Variants in ANKRD44 observed in about 807,000 individuals in gnomAD.
ANKRD44 encodes the protein serine/threonine-protein phosphatase 6 regulatory ankyrin repeat subunit B.
A neutral mutation model predicts 116.0 loss-of-function variants in ANKRD44; 35 were observed. The ratio of observed to expected loss-of-function variants is 0.30; its 90% confidence interval spans 0.23 to 0.40. ANKRD44 has a LOEUF of 0.40. Ranked by LOEUF, ANKRD44 falls within the 10% of genes least tolerant of loss-of-function variation. ANKRD44 has a pLI of 1.00. For synonymous variants in ANKRD44, 435 were observed against 461.8 expected (o/e 0.94, Z 0.74); for missense variants, 1,014 against 1,242.6 (o/e 0.82, Z 2.77).
At chr2:197,134,752 A>C (rs1261077591) in intron 4 of ANKRD44, 1 of 152,234 alleles carries the variant, frequency 6.6e-6, no homozygotes, top group Admixed American at 6.5e-5. Flanking sequence ...TGGGAGGTAC[A>C]TATTGAATTA....
rs566564637 is a variant in ANKRD44 at position 197,288,778 on chromosome 2, T to C, written c.27+21800A>G. On this transcript the variant is annotated intron_variant, in intron 1 of 27. Coordinates refer to ENST00000282272, the MANE Select transcript of ANKRD44 (RefSeq NM_001195144.2). The stretch of plus-strand genomic sequence containing the variant: ...TGGATAAAACTGGAGGTCATAATGT[T>C]AAGTAAAATAAGCCAGGCACAGAAA... Among the ~76,000 whole-genome samples, 3 of 152,280 alleles carry C rather than the reference T, an allele frequency of 2.0e-5. No individual in the cohort carries two copies. The East Asian group carries it at 5.8e-4, about 29-fold the overall frequency.
intron 1 of ANKRD44, among the ~76,000 whole-genome samples, chr2:197,209,961 G>A (rs2081289762): frequency 6.6e-6 from 1 of 152,154 alleles, no homozygotes; most frequent in African/African-American, 2.4e-5. Context: ...GGGGGAATAT[G>A]GGCAAAGCCA....
chr2:197,228,251 A>G (rs908110058), intron 1 of ANKRD44, among the ~76,000 whole-genome samples: 22 of 152,226 alleles, frequency 1.4e-4, no homozygotes, highest in African/African-American at 5.3e-4. Flanking sequence ...TATTGCTATC[A>G]TCATAGCTGT....
Position 197,249,130 on chromosome 2 carries a change from G to A in ANKRD44, c.27+61448C>T, listed in dbSNP as rs561278771. ...TACAAAAAAAATACAGTAATTAGCT[G>A]AGCATGGTGGTGCACACCTGAAGAC... On this transcript the variant is annotated intron_variant, in intron 1 of 27. Transcript: ENST00000282272. Among the ~76,000 whole-genome samples the A allele has an allele frequency of 8.2e-4, 125 of 152,130 alleles. 3 individuals are homozygous for A. Among genetic ancestry groups the A allele is most frequent in the African/African-American group, 2.9e-3 (119 of 41,512 alleles).
intron 1 of ANKRD44, among the ~76,000 whole-genome samples, chr2:197,268,282 G>C (rs770438322): frequency 6.6e-6 from 1 of 152,330 alleles, no homozygotes; most frequent in East Asian, 1.9e-4. Flanking sequence ...GGTTCAGGAA[G>C]ATAAATCTGG....
intron 16 of ANKRD44, among the ~76,000 whole-genome samples, chr2:197,028,554 C>T (rs2076641770): frequency 6.6e-6 from 1 of 152,212 alleles, no homozygotes. Flanking sequence ...ACCACATTTC[C>T]TAGACTCCCT....
At chr2:197,204,477 C>A (rs1173171772) in intron 1 of ANKRD44, among the ~76,000 whole-genome samples, 1 of 152,108 alleles carries the variant, frequency 6.6e-6, no homozygotes, top group East Asian at 1.9e-4. Flanking sequence ...AACGAAGGGT[C>A]TGGAAACATG....
In ANKRD44 at chr2:197,007,849, A is replaced by G. The variant is rs1234588488; in HGVS notation, c.2087T>C (p.Val696Ala). The G allele has an allele frequency of 1.9e-6, 3 of 1,614,050 alleles. No homozygotes were observed. Among genetic ancestry groups the G allele is most frequent in the South Asian group, 2.2e-5 (2 of 91,084 alleles). ...VSLLLEKEANVDTVDILGCTA... is the reference protein window; with the variant it reads ...VSLLLEKEANADTVDILGCTA... ...GCATCCTAGGATGTCAACAGTGTCTACGTTGGCTTCCTTTTCAAGTAACAA... is the reference window on the plus strand; with the variant it reads ...GCATCCTAGGATGTCAACAGTGTCTGCGTTGGCTTCCTTTTCAAGTAACAA... The change falls in exon 20 of 28, where the codon GTA (valine) becomes GCA (alanine). Residue 696 changes from valine (V) to alanine (A), a missense_variant. By Grantham distance (64) the Val-to-Ala change is moderately conservative. Coordinates refer to ENST00000282272, the MANE Select transcript of ANKRD44 (RefSeq NM_001195144.2).
chr2:197,123,007 T>G (rs1172793226), intron 6 of ANKRD44, among the ~76,000 whole-genome samples: 1 of 152,238 alleles, frequency 6.6e-6, no homozygotes, highest in Admixed American at 6.5e-5. Context: ...AAAAAGATGA[T>G]TCATATGTGA....
chr2:197,041,131 T>C (rs1010794901), intron 16 of ANKRD44, among the ~76,000 whole-genome samples: 7 of 152,148 alleles, frequency 4.6e-5, no homozygotes, highest in African/African-American at 1.7e-4. Flanking sequence ...TTTAAGAAGG[T>C]GCCTTTCCCT....
At chr2:197,057,918 TTGTC>T (rs1424559991) in intron 16 of ANKRD44, among the ~76,000 whole-genome samples, 15 of 152,170 alleles carry the variant, frequency 9.9e-5, no homozygotes, top group South Asian at 2.1e-4. Flanking sequence ...GATGATTTCT[TTGTC>T]TGAATAATGG....
At chr2:197,187,160 T>C in intron 1 of ANKRD44, 54 bp from the exon 2 acceptor site, 2 of 1,485,436 alleles carry the variant, frequency 1.3e-6, no homozygotes, top group Admixed American at 1.7e-5. Context: ...TCTGATCACA[T>C]ACAGATGCAG....
At position 196,989,583 on chromosome 2, in the gene ANKRD44, A is replaced by G; in HGVS notation, c.*8T>C. On this transcript the variant is annotated 3_prime_UTR_variant, in exon 28 of 28. Transcript: ENST00000282272. The stretch of plus-strand genomic sequence containing the variant: ...GTGCATGTGTATGTGCATAATTTTT[A>G]AAGAGTCTCATTCTTCTTTTTGTAC... The G allele has an allele frequency of 6.5e-7, 1 of 1,549,754 alleles. No homozygotes were observed.
In ANKRD44 at chr2:196,988,253, C is replaced by A. The variant is rs2075861849; in HGVS notation, c.*1338G>T. On this transcript the variant is annotated 3_prime_UTR_variant, in exon 28 of 28. Transcript: ENST00000282272. ...AACTGAGCAAGATTTCCATTCACTT[C>A]TAGAAAAAGACACCGCAGCATATTG... The A allele has an allele frequency of 3.0e-6, 3 of 985,314 alleles. No homozygotes were observed. The highest frequency in any genetic ancestry group is 1.7e-5 in the African/African-American group (1 of 57,232). The allele number at this position is 985,314 out of a possible 1,614,324, so 61.0% of individuals were successfully genotyped here.
chr2:197,232,872 T>C (rs1183672347), intron 1 of ANKRD44, among the ~76,000 whole-genome samples: 1 of 152,224 alleles, frequency 6.6e-6, no homozygotes, highest in Non-Finnish European at 1.5e-5. Flanking sequence ...AAGGCATTGA[T>C]ACATGCATGA....
At chr2:197,118,637 G>GAGAGAAAGAAAGAA (rs773839262) in intron 8 of ANKRD44, among the ~76,000 whole-genome samples, 2,023 of 112,108 alleles carry the variant, frequency 0.018, 27 homozygotes, top group Middle Eastern at 0.059. Flanking sequence ...GAGAGAGAGA[G>GAGAGAAAGAAAGAA]AGAAAGAAAG....
intron 22 of ANKRD44, 25 bp from the exon 23 acceptor site, chr2:197,000,527 T>C (rs747676338): frequency 1.3e-6 from 2 of 1,574,232 alleles, no homozygotes; most frequent in Non-Finnish European, 1.7e-6. Flanking sequence ...GGTTTTAATG[T>C]AACAATCTCA....
chr2:197,176,700 CAG>C (rs2125563038), intron 2 of ANKRD44, among the ~76,000 whole-genome samples: 2 of 152,194 alleles, frequency 1.3e-5, no homozygotes, highest in South Asian at 4.2e-4. Context: ...GTGTTACATG[CAG>C]AAAGACTTTA....
chr2:197,249,233 A>G (rs1464684965), intron 1 of ANKRD44, among the ~76,000 whole-genome samples: 1 of 152,212 alleles, frequency 6.6e-6, no homozygotes, highest in African/African-American at 2.4e-5. Context: ...TGATTGTGCC[A>G]CTGCACTCCA....
Sources: gnomAD v4.1 joint callset for allele counts (sites outside exome capture counted in the v4.1 genomes callset) on GRCh38, gnomAD v4.1.1 for gene constraint, MANE v1.5 for transcripts, NCBI Gene and HGNC (gene_info 2026-07-23, HGNC 2026-07-21) for gene names.